PEX5: variants seen among roughly 807,000 people sequenced by gnomAD.
PEX5 encodes peroxisomal biogenesis factor 5, also known as PTS1 receptor.
In PEX5, 52 loss-of-function variants were observed where a neutral mutation model predicts 82.9. That is an observed-to-expected ratio of 0.63 (90% CI 0.50 to 0.79). The LOEUF is 0.79. Among genes scored for constraint, PEX5 ranks in the 30% least tolerant of loss-of-function variants. The pLI, the probability that PEX5 is intolerant of heterozygous loss-of-function variation, is 0.00. For synonymous variants in PEX5, 300 were observed against 318.8 expected (o/e 0.94, Z 0.63); for missense variants, 719 against 815.2 (o/e 0.88, Z 1.44).
At chr12:7,201,991 G>T in intron 7 of PEX5, 150 bp downstream of exon 7, 2 of 754,030 alleles carry the variant, frequency 2.7e-6, no homozygotes, top group African/African-American at 1.7e-5. Context: ...TTAAGATCCT[G>T]CCTCTTCCTT....
intron 6 of PEX5, among the ~76,000 whole-genome samples, chr12:7,201,248 T>C (rs1288964721): frequency 4.0e-5 from 6 of 150,928 alleles, no homozygotes; most frequent in African/African-American, 2.4e-5. Context: ...TGTAAACATG[T>C]AGATACATGC....
chr12:7,190,257 G>A, intron 1 of PEX5, 105 bp from the exon 2 acceptor site: 2 of 1,593,286 alleles, frequency 1.3e-6, no homozygotes, highest in Non-Finnish European at 1.7e-6. Context: ...AGGGCGGCCA[G>A]TGTGGGGCAG....
At chr12:7,191,416 AG>A in intron 4 of PEX5, 58 bp downstream of exon 4, 1 of 1,611,972 alleles carries the variant, frequency 6.2e-7, no homozygotes. Flanking sequence ...GGGCCAAGGA[AG>A]GGGGTTCCAT....
chr12:7,197,276 T>C (rs186385777), intron 5 of PEX5, among the ~76,000 whole-genome samples: 21 of 132,986 alleles, frequency 1.6e-4, no homozygotes, highest in Admixed American at 6.2e-4. Flanking sequence ...ATATGTCATA[T>C]ATAATGTAAT....
chr12:7,215,856 C>G (rs540260950), downstream of PEX5, among the ~76,000 whole-genome samples: 1 of 152,018 alleles, frequency 6.6e-6, no homozygotes, highest in Non-Finnish European at 1.5e-5. Context: ...ATGTAACAAA[C>G]CTGCATGTGT....
downstream of PEX5, among the ~76,000 whole-genome samples, chr12:7,216,400 G>C (rs1408667952): frequency 1.3e-5 from 2 of 152,036 alleles, no homozygotes; most frequent in African/African-American, 4.8e-5. Flanking sequence ...ATTTTAGAAA[G>C]GAAAATCCAA....
At chr12:7,203,814 C>T (rs1944442264) in intron 10 of PEX5, among the ~76,000 whole-genome samples, 1 of 152,200 alleles carries the variant, frequency 6.6e-6, no homozygotes, top group Non-Finnish European at 1.5e-5. Context: ...CACATGCTTG[C>T]TGCATTAAAA....
At chr12:7,200,438 C>G (rs1943665156) in intron 6 of PEX5, among the ~76,000 whole-genome samples, 1 of 150,208 alleles carries the variant, frequency 6.7e-6, no homozygotes, top group Non-Finnish European at 1.5e-5. Flanking sequence ...TCCTCACATC[C>G]CAGACGATGG....
At chr12:7,188,658 C>T (rs1358303368), upstream of PEX5, 1 of 152,776 alleles carries the variant, frequency 6.5e-6, no homozygotes, top group Non-Finnish European at 1.5e-5. Context: ...GCCCATGGCG[C>T]CACCTGCTGC....
Position 7,191,262 on chromosome 12 carries a change from C to T in PEX5, c.220C>T (p.Leu74Phe), listed in dbSNP as rs2135897246. 5.0e-6 allele frequency: 8 copies of T among 1,614,152 alleles called. No homozygotes were observed. Among genetic ancestry groups the T allele is most frequent in the Non-Finnish European group, 6.8e-6 (8 of 1,180,008 alleles). ...ATTCCTGCAGGACCAGAATGCACCC[C>T]TTGTGTCCCGTGCCCCTCAGACCTT... The part of the protein sequence containing the change: ...AEFLQDQNAP[L>F]VSRAPQTFKM... Residue 74 changes from leucine to phenylalanine, a missense_variant, in exon 4 of 16, where the codon CTT becomes TTT. Transcript: ENST00000675855.
At position 7,211,133 on chromosome 12, in the gene PEX5, A is replaced by G. The variant is rs1208966737; in HGVS notation, c.*910A>G. 2 of 152,760 alleles carry G rather than the reference A, an allele frequency of 1.3e-5. No homozygotes were observed. The highest frequency in any genetic ancestry group is 4.8e-5 in the African/African-American group (2 of 41,464). 9.5% of individuals were successfully genotyped at this position (152,760 alleles called of 1,614,324 possible). A position where few individuals can be genotyped will look rare whatever the true frequency, so the allele number is the denominator to read the frequency against. On this transcript the variant is annotated 3_prime_UTR_variant, in exon 16 of 16. Coordinates refer to ENST00000675855, the MANE Select transcript of PEX5 (RefSeq NM_001351132.2). ...AGTGCAATCTTGCCAGATTTCTAGCAAATAGGTTCAGTGTTACCATAAGCC... is the reference window on the plus strand; with the variant it reads ...AGTGCAATCTTGCCAGATTTCTAGCGAATAGGTTCAGTGTTACCATAAGCC...
chr12:7,191,137 C>G (rs767504604), intron 3 of PEX5, 89 bp from the exon 4 acceptor site: 163 of 1,462,694 alleles, frequency 1.1e-4, no homozygotes, highest in Non-Finnish European at 1.5e-4. Flanking sequence ...TTCCTTGTAT[C>G]TAACATTGGG....
chr12:7,214,026 C>T (rs950629035), downstream of PEX5, among the ~76,000 whole-genome samples: 13 of 151,948 alleles, frequency 8.6e-5, no homozygotes, highest in African/African-American at 3.1e-4. Flanking sequence ...CAATGAGATA[C>T]CATCTCACAC....
chr12:7,212,480 A>C (rs1322047339), downstream of PEX5, among the ~76,000 whole-genome samples: 1 of 67,732 alleles, frequency 1.5e-5, no homozygotes, highest in African/African-American at 4.5e-5. Context: ...AAAAAAAAAA[A>C]AAAAAAAACC....
intron 10 of PEX5, among the ~76,000 whole-genome samples, chr12:7,204,995 C>T (rs1416314709): frequency 2.0e-5 from 3 of 152,018 alleles, no homozygotes; most frequent in Non-Finnish European, 2.9e-5. Context: ...GAAACTGAAC[C>T]GTTACCTCAC....
intron 6 of PEX5, among the ~76,000 whole-genome samples, chr12:7,199,815 CGGCTGGCCGGGCGGGGGGCTG>C (rs1943435136): frequency 1.4e-5 from 2 of 141,232 alleles, no homozygotes; most frequent in African/African-American, 5.3e-5. Context: ...CTGGACGGGG[CGGCTGGCCGGGCGGGGGGCTG>C]ACCCCCACCT....
chr12:7,202,423 T>C, intron 8 of PEX5, 72 bp downstream of exon 8: 1 of 1,567,990 alleles, frequency 6.4e-7, no homozygotes. Context: ...CAGTGGTCAG[T>C]GGTCCCAGAT....
chr12:7,204,870 AT>A (rs998022052), intron 10 of PEX5, among the ~76,000 whole-genome samples: 5 of 151,548 alleles, frequency 3.3e-5, no homozygotes, highest in African/African-American at 1.2e-4. Context: ...TAGAAAGCAA[AT>A]TTTTTTTTAG....
At chr12:7,202,540 G>A in intron 8 of PEX5, 72 bp from the exon 9 acceptor site, 1 of 1,441,434 alleles carries the variant, frequency 6.9e-7, no homozygotes, top group Non-Finnish European at 9.8e-7. Context: ...GTGGTGGTTA[G>A]TGGGTATTTA....
Sources: allele counts gnomAD v4.1 joint callset (sites outside exome capture counted in the v4.1 genomes callset), GRCh38; gene constraint gnomAD v4.1.1; transcripts MANE v1.5; gene names NCBI Gene and HGNC (gene_info 2026-07-23, HGNC 2026-07-21).